The following PTPRN2 variants were observed in gnomAD, a reference collection of about 807,000 sequenced individuals.
PTPRN2 encodes protein tyrosine phosphatase receptor type N2, also known as receptor-type tyrosine-protein phosphatase N2.
In PTPRN2, 74 loss-of-function variants were observed where a neutral mutation model predicts 118.8. The observed-to-expected ratio is 0.62, with a 90% CI of 0.52 to 0.76. The LOEUF is 0.76. Among genes scored for constraint, PTPRN2 ranks in the 30% least tolerant of loss-of-function variants. The probability of loss-of-function intolerance (pLI) is 0.00; values close to 1 mark genes in which losing one functional copy is unlikely to be tolerated. For missense variants in PTPRN2, 1,481 were observed against 1,394.4 expected (o/e 1.06, Z -0.99); for synonymous variants, 641 against 608.0 (o/e 1.05, Z -0.80).
At chr7:157,910,532 C>G (rs1027845358) in intron 11 of PTPRN2, among the ~76,000 whole-genome samples, 1 of 152,078 alleles carries the variant, frequency 6.6e-6, no homozygotes, top group Non-Finnish European at 1.5e-5. Context: ...GGATCACGCA[C>G]GTACGCCGTA....
chr7:158,069,607 G>A (rs945373031), intron 11 of PTPRN2, among the ~76,000 whole-genome samples: 3 of 150,716 alleles, frequency 2.0e-5, no homozygotes, highest in South Asian at 2.1e-4. Flanking sequence ...TGGCCACCAC[G>A]CCCCACCTCC....
intron 12 of PTPRN2, among the ~76,000 whole-genome samples, chr7:157,757,151 C>T (rs1489528697): frequency 1.3e-5 from 2 of 151,294 alleles, no homozygotes; most frequent in African/African-American, 2.4e-5. Context: ...ATTGTTACGA[C>T]ATAGAAAAAC....
chr7:157,942,599 C>T (rs1800215566), intron 11 of PTPRN2, among the ~76,000 whole-genome samples: 2 of 152,024 alleles, frequency 1.3e-5, no homozygotes, highest in East Asian at 1.9e-4. Context: ...TGGAATATGA[C>T]TCCACCAGCT....
chr7:158,315,472 GAAGGATAGAGGTGAACCCGGGACGCCCTC>G (rs1199318008), intron 3 of PTPRN2, among the ~76,000 whole-genome samples: 35 of 140,260 alleles, frequency 2.5e-4, no homozygotes, highest in African/African-American at 8.0e-4. Context: ...AGGACTCCCT[GAAGGATAGAGGTGAACCCGGGACGCCCTC>G]AAGGACAGAG....
At chr7:158,388,700 G>A (rs1357917429) in intron 2 of PTPRN2, among the ~76,000 whole-genome samples, 1 of 152,134 alleles carries the variant, frequency 6.6e-6, no homozygotes, top group Non-Finnish European at 1.5e-5. Context: ...CAAGAGTTGG[G>A]GGGGCCTGAA....
intron 21 of PTPRN2, among the ~76,000 whole-genome samples, chr7:157,557,231 A>G (rs575656379): frequency 2.0e-5 from 3 of 151,158 alleles, no homozygotes; most frequent in Admixed American, 6.6e-5. Flanking sequence ...ATACATATGC[A>G]CACACACACA....
At chr7:158,461,389 G>A (rs992573006) in intron 2 of PTPRN2, among the ~76,000 whole-genome samples, 22 of 152,074 alleles carry the variant, frequency 1.4e-4, no homozygotes, top group Non-Finnish European at 2.8e-4. Context: ...CCAGCTACTC[G>A]GGAGGCTGAG....
chr7:157,985,769 C>T (rs1803735879), intron 11 of PTPRN2, among the ~76,000 whole-genome samples: 1 of 152,186 alleles, frequency 6.6e-6, no homozygotes, highest in African/African-American at 2.4e-5. Flanking sequence ...GAGGGAGGTG[C>T]ACGGAAACCA....
chr7:158,455,256 A>G (rs1818386635), intron 2 of PTPRN2, among the ~76,000 whole-genome samples: 2 of 141,354 alleles, frequency 1.4e-5, no homozygotes, highest in Admixed American at 7.1e-5. Flanking sequence ...AACGGCACGG[A>G]CGCCATCGGC....
intron 12 of PTPRN2, among the ~76,000 whole-genome samples, chr7:157,820,580 ACAG>A (rs1585553469): frequency 6.7e-6 from 1 of 150,176 alleles, no homozygotes; most frequent in East Asian, 2.0e-4. Context: ...ACATGCACTC[ACAG>A]CAGACTCCCC....
chr7:158,405,740 G>T (rs889734840), intron 2 of PTPRN2, among the ~76,000 whole-genome samples: 2 of 152,260 alleles, frequency 1.3e-5, no homozygotes, highest in Non-Finnish European at 2.9e-5. Context: ...AACCTTCCCA[G>T]AAGCAAAGTG....
intron 12 of PTPRN2, among the ~76,000 whole-genome samples, chr7:157,761,834 T>A (rs545699582): frequency 1.3e-5 from 2 of 151,304 alleles, no homozygotes; most frequent in Non-Finnish European, 2.9e-5. Context: ...TGGGAGAAAA[T>A]TTTTGCAACC....
chr7:158,558,757 T>TAAAA (rs769102456), intron 1 of PTPRN2, among the ~76,000 whole-genome samples: 6 of 59,794 alleles, frequency 1.0e-4, no homozygotes, highest in East Asian at 5.3e-4. Context: ...AGTGCTAGAC[T>TAAAA]AAAAAAAAAA....
chr7:157,569,500 C>T (rs1799658232), intron 20 of PTPRN2, among the ~76,000 whole-genome samples: 1 of 152,226 alleles, frequency 6.6e-6, no homozygotes. Context: ...GAGAAATTGA[C>T]ATAACAGTCG....
At chr7:158,305,503 G>A (rs77810426) in intron 3 of PTPRN2, among the ~76,000 whole-genome samples, 1,817 of 152,172 alleles carry the variant, frequency 0.012, 38 homozygotes, top group African/African-American at 0.041. Flanking sequence ...TAAAACAGAC[G>A]GAGCAACTAG....
intron 11 of PTPRN2, among the ~76,000 whole-genome samples, chr7:157,919,232 T>C (rs971286974): frequency 9.2e-5 from 14 of 152,214 alleles, no homozygotes; most frequent in Non-Finnish European, 2.1e-4. Flanking sequence ...TCATAAATGT[T>C]GCATTCTCTA....
intron 2 of PTPRN2, among the ~76,000 whole-genome samples, chr7:158,370,440 A>AAATTTT (rs1198579631): frequency 2.6e-5 from 4 of 150,966 alleles, no homozygotes; most frequent in South Asian, 2.1e-4. Context: ...CATCTCAAAA[A>AAATTTT]TAAAAAGAAA....
At chr7:158,264,285 A>C (rs1797733123) in intron 3 of PTPRN2, among the ~76,000 whole-genome samples, 3 of 152,192 alleles carry the variant, frequency 2.0e-5, no homozygotes, top group Admixed American at 6.5e-5. Context: ...ATCCAGATGG[A>C]ACTGCACTGA....
rs1197086846 is a variant in PTPRN2, at chr7:158,525,913, G to A, written c.113-36128C>T. On this transcript the variant is annotated intron_variant, in intron 1 of 22. Transcript: ENST00000389418. This position sits in a 1 kb window ranked among gnomAD's most constrained non-coding sequence, Gnocchi z 4.1. ...TCAGACCTGTCCCAGAGCCCTGACAGGAAGACCCAAGCTCTCCTGAAGCCT... is the reference window on the plus strand; with the variant it reads ...TCAGACCTGTCCCAGAGCCCTGACAAGAAGACCCAAGCTCTCCTGAAGCCT... Among the ~76,000 whole-genome samples, 10 of 152,200 alleles carry A rather than the reference G, an allele frequency of 6.6e-5. No homozygotes were observed.
Sources: gnomAD v4.1 joint callset for allele counts (sites outside exome capture counted in the v4.1 genomes callset) on GRCh38, gnomAD v4.1.1 for gene constraint, Gnocchi (gnomAD v3.1) non-coding constraint, MANE v1.5 for transcripts, NCBI Gene and HGNC (gene_info 2026-07-23, HGNC 2026-07-21) for gene names.